Variants in BCR observed in about 807,000 individuals in gnomAD.
The protein encoded by BCR is breakpoint cluster region protein.
A neutral mutation model predicts 138.6 loss-of-function variants in BCR; 58 were observed. The ratio of observed to expected loss-of-function variants is 0.42; its 90% CI spans 0.34 to 0.52. The LOEUF is 0.52. Ranked by LOEUF, BCR falls within the 20% of genes least tolerant of loss-of-function variation. The pLI is 0.06. For synonymous variants in BCR, 786 were observed against 730.1 expected (o/e 1.08, Z -1.23); for missense variants, 1,599 against 1,727.2 (o/e 0.93, Z 1.32).
chr22:23,238,057 G>A (rs568505977), intron 1 of BCR, among the ~76,000 whole-genome samples: 42 of 152,242 alleles, frequency 2.8e-4, no homozygotes, highest in Admixed American at 1.1e-3. Flanking sequence ...CGCAGGGAGC[G>A]TGGGTGGAGA....
intron 4 of BCR, chr22:23,263,795 G>A: frequency 7.3e-7 from 1 of 1,375,928 alleles, no homozygotes; most frequent in South Asian, 1.2e-5. Context: ...GGACGGCCAA[G>A]GTGTGGCCTT....
intron 16 of BCR, among the ~76,000 whole-genome samples, chr22:23,303,111 G>A (rs994497317): frequency 6.6e-6 from 1 of 151,664 alleles, no homozygotes; most frequent in African/African-American, 2.4e-5. Context: ...TACTTGCTTT[G>A]TGCCAATATG....
intron 1 of BCR, among the ~76,000 whole-genome samples, chr22:23,195,675 T>C (rs1294582422): frequency 6.6e-6 from 1 of 151,974 alleles, no homozygotes; most frequent in Non-Finnish European, 1.5e-5. Flanking sequence ...TCACCTAAGG[T>C]CAGGAGTTCA....
chr22:23,219,326 T>C (rs898239193), intron 1 of BCR, among the ~76,000 whole-genome samples: 2 of 152,186 alleles, frequency 1.3e-5, no homozygotes, highest in East Asian at 1.9e-4. Context: ...CTGTTCCTTA[T>C]GTTAGACGAT....
rs952644575 is a variant in BCR, at chr22:23,181,131, C to G, written c.171C>G (p.Ile57Met). The change falls in exon 1 of 23, where the codon ATC (isoleucine) becomes ATG (methionine). Residue 57 changes from isoleucine (I) to methionine (M), a missense_variant. By Grantham distance (10) the Ile-to-Met change is conservative. Coordinates refer to ENST00000305877, the MANE Select transcript of BCR (RefSeq NM_004327.4). ...QEVNQERFRMIYLQTLLAKEK... is the reference protein window; with the variant it reads ...QEVNQERFRMMYLQTLLAKEK... ...TGAACCAGGAGCGCTTCCGCATGAT[C>G]TACCTGCAGACGTTGCTGGCCAAGG... The G allele has an allele frequency of 4.7e-6, 7 of 1,492,888 alleles. No individual in the cohort carries two copies. The African/African-American group carries it at 8.6e-5, about 18-fold the overall frequency. 92.5% of individuals were successfully genotyped at this position (1,492,888 alleles called of 1,614,324 possible).
intron 2 of BCR, among the ~76,000 whole-genome samples, chr22:23,255,038 TAATAAAAAAATA>T (rs1486994774): frequency 1.3e-5 from 2 of 152,014 alleles, no homozygotes; most frequent in East Asian, 3.9e-4. Flanking sequence ...TTAAAAATAA[TAATAAAAAAATA>T]AATAAAAAGA....
intron 1 of BCR, among the ~76,000 whole-genome samples, chr22:23,214,659 T>C (rs1231612093): frequency 6.6e-6 from 1 of 152,222 alleles, no homozygotes; most frequent in Non-Finnish European, 1.5e-5. Flanking sequence ...TGTCTTCTTT[T>C]AGGTGGAGTT....
chr22:23,200,383 C>T (rs1430688331), intron 1 of BCR, among the ~76,000 whole-genome samples: 2 of 151,990 alleles, frequency 1.3e-5, no homozygotes, highest in African/African-American at 4.8e-5. Flanking sequence ...GGCACACTCA[C>T]AACTCACTGC....
chr22:23,261,423 C>A lies in BCR; in HGVS notation c.1635C>A (p.Thr545=). ...TGCTGACGAGTCAGCAGATCGAGAC[C>A]ATCTTCTTCAAAGTGCCTGAGCTCT... The part of the protein sequence containing the change: ...QPVLTSQQIE[T]IFFKVPELYE... Residue 545 remains threonine (T), a synonymous_variant, in exon 4 of 23, where the codon ACC becomes ACA. Coordinates refer to ENST00000305877, the MANE Select transcript of BCR (RefSeq NM_004327.4). The A allele has an allele frequency of 6.2e-7, 1 of 1,613,922 alleles. No individual in the cohort carries two copies. Among genetic ancestry groups the A allele is most frequent in the Non-Finnish European group, 8.5e-7 (1 of 1,180,010 alleles).
At position 23,181,019 on chromosome 22, in the gene BCR, C is replaced by T. The variant is rs1216823607; in HGVS notation, c.59C>T (p.Pro20Leu). 2 of 1,495,050 alleles carry T rather than the reference C, an allele frequency of 1.3e-6. No homozygotes were observed. The highest frequency in any genetic ancestry group is 2.0e-5 in the Admixed American group (1 of 50,786). The allele number at this position is 1,495,050 out of a possible 1,614,324, so 92.6% of individuals were successfully genotyped here. The change falls in exon 1 of 23, where the codon CCC (proline) becomes CTC (leucine). Residue 20 changes from proline (P) to leucine (L), a missense_variant. Physicochemically the swap from Pro to Leu is moderately conservative, Grantham distance 98. This residue lies in a region of BCR where 806 missense variants were observed against 635.0 expected (regional missense o/e 1.27). Transcript: ENST00000305877. ...AWKAQFPDSE[P>L]PRMELRSVGD... ...AAGGCGCAGTTCCCGGACTCAGAGC[C>T]CCCGCGCATGGAGCTGCGCTCAGTG...
chr22:23,193,659 G>A (rs915211614), intron 1 of BCR, among the ~76,000 whole-genome samples: 3 of 152,258 alleles, frequency 2.0e-5, no homozygotes, highest in African/African-American at 7.2e-5. Flanking sequence ...GCAATGGACT[G>A]CATGTTTGGA....
intron 1 of BCR, among the ~76,000 whole-genome samples, chr22:23,240,567 C>T (rs1205002026): frequency 1.3e-5 from 2 of 151,740 alleles, no homozygotes; most frequent in Non-Finnish European, 2.9e-5. Flanking sequence ...AGGAGAATGG[C>T]GTGAACCCAG....
chr22:23,315,163 G>A (rs1362695831), intron 22 of BCR, among the ~76,000 whole-genome samples: 2 of 152,132 alleles, frequency 1.3e-5, no homozygotes, highest in African/African-American at 4.8e-5. Flanking sequence ...GTTAGAGGCT[G>A]CAGTGATCCA....
At chr22:23,237,491 C>G (rs903384074) in intron 1 of BCR, among the ~76,000 whole-genome samples, 2 of 152,238 alleles carry the variant, frequency 1.3e-5, no homozygotes, top group Non-Finnish European at 2.9e-5. Context: ...AGTTTCAGGT[C>G]AAGAGCTGGG....
intron 4 of BCR, chr22:23,262,694 CGGGCCCGGGTG>C (rs2073377179): frequency 7.4e-5 from 13 of 176,642 alleles, no homozygotes; most frequent in South Asian, 3.6e-4. Flanking sequence ...CCGGGAATGG[CGGGCCCGGGTG>C]AGGGCGGGCC....
At chr22:23,290,460 C>A in intron 14 of BCR, 47 bp downstream of exon 14, 1 of 1,574,512 alleles carries the variant, frequency 6.4e-7, no homozygotes, top group Non-Finnish European at 8.7e-7. Flanking sequence ...GAGCCAGGGT[C>A]TCCACCCAGG....
chr22:23,193,116 A>G (rs1354850962), intron 1 of BCR, among the ~76,000 whole-genome samples: 3 of 152,218 alleles, frequency 2.0e-5, no homozygotes, highest in Admixed American at 6.5e-5. Flanking sequence ...TTCACTTTAA[A>G]GGCCTGACAT....
Position 23,182,052 on chromosome 22 carries a change from G to A in BCR, c.1092G>A (p.Arg364=). ...GCCCCACCACCTACCGCATGTTCCG[G>A]GACAAAAGCCGCTCTCCCTCGCAGA... ...SPSPTTYRMF[R]DKSRSPSQNS... The change falls in exon 1 of 23, where the codon CGG becomes CGA. Residue 364 remains arginine (R), a synonymous_variant. Transcript: ENST00000305877. The A allele has an allele frequency of 1.9e-6, 3 of 1,613,672 alleles. No homozygotes were observed. The highest frequency in any genetic ancestry group is 2.2e-5 in the South Asian group (2 of 91,086).
At chr22:23,284,322 G>A (rs955823442) in intron 9 of BCR, among the ~76,000 whole-genome samples, 3 of 152,046 alleles carry the variant, frequency 2.0e-5, no homozygotes, top group African/African-American at 4.8e-5. Flanking sequence ...GGGTAAACCC[G>A]ACCGTGGCTT....
Sources: allele counts gnomAD v4.1 joint callset (sites outside exome capture counted in the v4.1 genomes callset), GRCh38; gene constraint gnomAD v4.1.1; regional missense constraint gnomAD v4.1.1; transcripts MANE v1.5; gene names NCBI Gene and HGNC (gene_info 2026-07-23, HGNC 2026-07-21).